The following COL11A1 variants were observed in gnomAD, a reference collection of about 807,000 sequenced individuals.
The protein encoded by COL11A1 is collagen type XI alpha 1 chain.
Under a neutral mutation model 265.2 loss-of-function variants are expected in COL11A1, and 74 were observed. That is an observed-to-expected ratio of 0.28 (90% CI 0.23 to 0.34). The LOEUF is 0.34. Ranked by LOEUF, COL11A1 falls within the 10% of genes least tolerant of loss-of-function variation. The pLI is 1.00. For synonymous variants in COL11A1, 816 were observed against 727.6 expected, an observed-to-expected ratio of 1.12 and a Z score of -1.96; for missense variants, 2,165 against 2,263.6, an observed-to-expected ratio of 0.96 and a Z score of 0.88.
Position 103,078,845 on chromosome 1 carries a change from T to A in COL11A1, c.301A>T (p.Ile101Leu). The A allele has an allele frequency of 6.2e-7, 1 of 1,610,698 alleles. No individual in the cohort carries two copies. Among genetic ancestry groups the A allele is most frequent in the Non-Finnish European group, 8.5e-7 (1 of 1,177,676 alleles). Residue 101 changes from isoleucine (I) to leucine (L), a missense_variant, in exon 3 of 67, where the codon ATA becomes TTA. By Grantham distance (5) the Ile-to-Leu change is conservative (BLOSUM62 2). Coordinates refer to ENST00000370096, the MANE Select transcript of COL11A1 (RefSeq NM_001854.4). ...PGGTFPEDFS[I>L]LFTVKPKKGI... is the part of the protein sequence containing the mutation. Reference sequence around the variant, plus strand: ...TTTTTTGGTTTTACTGTAAATAGTATTGAAAAGTCTTCTGGGAAAGTTCCA... The same window carrying A: ...TTTTTTGGTTTTACTGTAAATAGTAATGAAAAGTCTTCTGGGAAAGTTCCA...
At chr1:102,986,201 T>C (rs1663525122) in intron 30 of COL11A1, among the ~76,000 whole-genome samples, 1 of 152,008 alleles carries the variant, frequency 6.6e-6, no homozygotes, top group Non-Finnish European at 1.5e-5. Flanking sequence ...TAAGAAAATG[T>C]GGCACATATA....
At chr1:102,946,460 T>C (rs1243214552) in intron 42 of COL11A1, among the ~76,000 whole-genome samples, 1 of 152,104 alleles carries the variant, frequency 6.6e-6, no homozygotes, top group Admixed American at 6.6e-5. Context: ...ATGAGTCTTA[T>C]TTACAGACTA....
At chr1:102,941,868 T>C (rs1658759540) in intron 42 of COL11A1, among the ~76,000 whole-genome samples, 2 of 152,190 alleles carry the variant, frequency 1.3e-5, no homozygotes, top group South Asian at 4.1e-4. Context: ...AGGGTAGGAA[T>C]TGTGTCTGAT....
At chr1:102,989,478 T>C (rs766229102) in intron 29 of COL11A1, 40 bp downstream of exon 29, 5 of 1,315,006 alleles carry the variant, frequency 3.8e-6, no homozygotes, top group Non-Finnish European at 4.3e-6. Flanking sequence ...TATATATATA[T>C]TAAATTTTGT....
chr1:103,092,282 TG>T (rs1474232042), intron 1 of COL11A1, among the ~76,000 whole-genome samples: 1 of 152,128 alleles, frequency 6.6e-6, no homozygotes, highest in African/African-American at 2.4e-5. Flanking sequence ...TTTGGAGATT[TG>T]TGACAATTTG....
Position 103,021,589 on chromosome 1 carries a change from A to T in COL11A1, c.1308+118T>A, listed in dbSNP as rs967244030. ...AACTTACTTATTTGTGGTGAATTGC[A>T]AACATCTGGACATCAAGATTATCAT... is the stretch of plus-strand genomic sequence containing the variant. On this transcript the variant is annotated intron_variant, in intron 9 of 66. Coordinates refer to ENST00000370096, the MANE Select transcript of COL11A1 (RefSeq NM_001854.4). 7.6e-5 allele frequency: 56 copies of T among 733,462 alleles called. 1 individual carries two copies. Among genetic ancestry groups the T allele is most frequent in the South Asian group, 5.0e-4 (34 of 67,494 alleles). 45.4% of individuals were successfully genotyped at this position (733,462 alleles called of 1,614,324 possible).
At chr1:102,960,842 G>C (rs1296387419) in intron 41 of COL11A1, among the ~76,000 whole-genome samples, 1 of 152,106 alleles carries the variant, frequency 6.6e-6, no homozygotes, top group Non-Finnish European at 1.5e-5. Context: ...GGAACTATAG[G>C]ATGGGTATGA....
At chr1:102,947,208 T>A (rs944409491) in intron 41 of COL11A1, among the ~76,000 whole-genome samples, 3 of 151,854 alleles carry the variant, frequency 2.0e-5, no homozygotes, top group African/African-American at 7.3e-5. Context: ...CAAAATTAGA[T>A]GTATTTAATA....
At chr1:102,888,369 C>A (rs1182945171) in intron 62 of COL11A1, among the ~76,000 whole-genome samples, 1 of 152,058 alleles carries the variant, frequency 6.6e-6, no homozygotes, top group African/African-American at 2.4e-5. Context: ...CTATAATATA[C>A]AATTAAGGCA....
chr1:102,894,816 C>T (rs1226593191), intron 57 of COL11A1, among the ~76,000 whole-genome samples: 1 of 152,074 alleles, frequency 6.6e-6, no homozygotes, highest in Non-Finnish European at 1.5e-5. Flanking sequence ...CGCTCAGTCA[C>T]CCAGGCTGGA....
chr1:102,970,189 AT>A (rs1198178559), intron 37 of COL11A1, 29 bp downstream of exon 37: 1 of 1,602,504 alleles, frequency 6.2e-7, no homozygotes, highest in Non-Finnish European at 8.5e-7. Context: ...AGAGATGGAA[AT>A]TTTTAATAAG....
At chr1:103,103,494 T>C (rs562923485) in intron 1 of COL11A1, among the ~76,000 whole-genome samples, 1 of 152,064 alleles carries the variant, frequency 6.6e-6, no homozygotes, top group South Asian at 2.1e-4. Context: ...ATACAAATGA[T>C]CAAAAATTAC....
At chr1:103,009,064 G>GT (rs1011942292) in intron 14 of COL11A1, among the ~76,000 whole-genome samples, 11 of 152,186 alleles carry the variant, frequency 7.2e-5, no homozygotes, top group Admixed American at 4.6e-4. Flanking sequence ...AGGTTGGTTT[G>GT]TTTTTTCCCA....
chr1:103,078,039 T>A (rs561627035), intron 3 of COL11A1, among the ~76,000 whole-genome samples: 1 of 152,246 alleles, frequency 6.6e-6, no homozygotes, highest in East Asian at 1.9e-4. Flanking sequence ...TTAATATTAT[T>A]AGTAAAACGT....
intron 63 of COL11A1, among the ~76,000 whole-genome samples, chr1:102,886,147 G>A (rs774036031): frequency 6.6e-6 from 1 of 152,100 alleles, no homozygotes; most frequent in Non-Finnish European, 1.5e-5. Flanking sequence ...TTTAATAATT[G>A]TAAGAGTTTA....
At chr1:102,984,858 T>G (rs1423241499) in intron 30 of COL11A1, among the ~76,000 whole-genome samples, 2 of 152,078 alleles carry the variant, frequency 1.3e-5, no homozygotes, top group Non-Finnish European at 2.9e-5. Flanking sequence ...CTGAATATAC[T>G]ATTTTGTTCC....
chr1:103,026,469 T>A (rs1571080526), intron 5 of COL11A1, 137 bp from the exon 6 acceptor site: 1 of 689,036 alleles, frequency 1.5e-6, no homozygotes, highest in Non-Finnish European at 2.6e-6. Flanking sequence ...GTTATTTTTG[T>A]ATTACATAGA....
At chr1:103,043,501 C>T (rs1669003924) in intron 4 of COL11A1, among the ~76,000 whole-genome samples, 1 of 151,986 alleles carries the variant, frequency 6.6e-6, no homozygotes, top group Non-Finnish European at 1.5e-5. Context: ...AATTCCTGGA[C>T]TAGGCCTTCT....
At position 102,940,307 on chromosome 1, in the gene COL11A1, C is replaced by G; in HGVS notation, c.3384+20G>C. ...TAAGCTTTTTCACAGGATCTACTAACACGAATAATGAATACCAACCTTGTC... is the reference window on the plus strand; with the variant it reads ...TAAGCTTTTTCACAGGATCTACTAAGACGAATAATGAATACCAACCTTGTC... On this transcript the variant is annotated intron_variant, in intron 43 of 66. Transcript: ENST00000370096. 6.3e-7 allele frequency: 1 copy of G among 1,588,574 alleles called. No homozygotes were observed. Among genetic ancestry groups the G allele is most frequent in the South Asian group, 1.1e-5 (1 of 90,604 alleles).
Sources: allele counts gnomAD v4.1 joint callset (sites outside exome capture counted in the v4.1 genomes callset), GRCh38; gene constraint gnomAD v4.1.1; transcripts MANE v1.5; gene names NCBI Gene and HGNC (gene_info 2026-07-23, HGNC 2026-07-21).